The following ABCB4 variants were observed in gnomAD, a reference collection of about 807,000 sequenced individuals.
The protein encoded by ABCB4 is phosphatidylcholine translocator ABCB4.
A neutral mutation model predicts 145.7 loss-of-function variants in ABCB4; 76 were observed. The ratio of observed to expected loss-of-function variants is 0.52; its 90% CI spans 0.43 to 0.63. The LOEUF (loss-of-function observed/expected upper bound fraction) is 0.63, where lower values mean the gene tolerates loss of function less well. ABCB4 is among the 30% of genes least tolerant of loss of function. The pLI is 0.00. For missense variants in ABCB4, 1,234 were observed against 1,553.1 expected (o/e 0.79, Z 3.45); for synonymous variants, 517 against 566.8 (o/e 0.91, Z 1.25).
At chr7:87,462,968 TTATA>T in intron 3 of ABCB4, 60 bp from the exon 4 acceptor site, 1 of 1,459,660 alleles carries the variant, frequency 6.9e-7, no homozygotes. Flanking sequence ...TCTTCCATAA[TTATA>T]TATTCTTTGG....
chr7:87,403,248 G>C lies in ABCB4; in HGVS notation c.3520C>G (p.Gln1174Glu), dbSNP rs1807936303. Residue 1174 changes from glutamine to glutamate, a missense_variant, in exon 27 of 28, where the codon CAG becomes GAG. Around this residue, in one of 7 missense-constraint regions of ABCB4, gnomAD observed 301 missense variants for 389.0 expected, o/e 0.77. Transcript: ENST00000649586. Reference sequence around the variant, plus strand: ...CTCTGTTTTTGACCTCCTGAGAGCTGAGTCCCCTTATCTCCCACTCTTGTT... The same window carrying C: ...CTCTGTTTTTGACCTCCTGAGAGCTCAGTCCCCTTATCTCCCACTCTTGTT... Reference protein sequence around the residue: ...YETRVGDKGTQLSGGQKQRIA... With the variant: ...YETRVGDKGTELSGGQKQRIA... 1 of 1,613,738 alleles carries C rather than the reference G, an allele frequency of 6.2e-7. No individual in the cohort carries two copies. The highest frequency in any genetic ancestry group is 1.1e-5 in the South Asian group (1 of 91,086).
chr7:87,413,851 C>T (rs754100785), intron 21 of ABCB4, 134 bp from the exon 22 acceptor site: 41 of 699,304 alleles, frequency 5.9e-5, no homozygotes, highest in Non-Finnish European at 8.5e-5. Context: ...AATTAAAAAC[C>T]AAAGGCATAA....
the ABCB4 span, among the ~76,000 whole-genome samples, chr7:87,380,701 G>T: frequency 2.0e-5 from 3 of 152,170 alleles, no homozygotes; most frequent in Admixed American, 1.3e-4. Flanking sequence ...TTTCCATTAG[G>T]AGATGGGTGC....
chr7:87,408,296 T>C (rs143340462), intron 24 of ABCB4, 62 bp from the exon 25 acceptor site: 41 of 1,511,962 alleles, frequency 2.7e-5, no homozygotes, highest in Middle Eastern at 3.5e-4. Context: ...ATAAGAAATA[T>C]TATTTCAAGG....
intron 7 of ABCB4, among the ~76,000 whole-genome samples, chr7:87,451,389 G>A (rs1417152199): frequency 6.6e-6 from 1 of 152,074 alleles, no homozygotes; most frequent in East Asian, 1.9e-4. Context: ...ATGTACCTTG[G>A]CCTCCCAAAG....
At chr7:87,431,648 A>C in intron 14 of ABCB4, 83 bp from the exon 15 acceptor site, 1 of 1,536,392 alleles carries the variant, frequency 6.5e-7, no homozygotes, top group Non-Finnish European at 9.0e-7. Context: ...ACTTGGATGA[A>C]TGCTGTTTGT....
Position 87,475,440 on chromosome 7 carries a change from C to A in ABCB4, c.26G>T (p.Gly9Val), listed in dbSNP as rs2117008276. ...CGCGCTCGTGGGGCGCCAGGCTGTT[C>A]CGTTCTTTGCCGCCTCAAGATCCAT... MDLEAAKN[G>V]TAWRPTSAEG... The change falls in exon 2 of 28, where the codon GGA becomes GTA. Residue 9 changes from glycine (G) to valine (V), a missense_variant. Transcript: ENST00000649586. The A allele has an allele frequency of 6.2e-7, 1 of 1,614,184 alleles. No homozygotes were observed. The highest frequency in any genetic ancestry group is 8.5e-7 in the Non-Finnish European group (1 of 1,180,028).
intron 8 of ABCB4, among the ~76,000 whole-genome samples, chr7:87,449,636 C>T (rs1386558878): frequency 6.6e-6 from 1 of 151,870 alleles, no homozygotes; most frequent in African/African-American, 2.4e-5. Flanking sequence ...CAGGGTCTTA[C>T]TACATTGCCC....
chr7:87,374,125 T>C, the ABCB4 span, among the ~76,000 whole-genome samples: 2 of 152,032 alleles, frequency 1.3e-5, no homozygotes, highest in Non-Finnish European at 2.9e-5. Context: ...AATATATGAT[T>C]CTGTAATGCA....
intron 15 of ABCB4, among the ~76,000 whole-genome samples, chr7:87,428,495 AG>A (rs1809987866): frequency 1.3e-5 from 2 of 152,254 alleles, no homozygotes; most frequent in African/African-American, 4.8e-5. Flanking sequence ...GAAGACATGG[AG>A]GAAAAAACTG....
chr7:87,453,084 A>G lies in ABCB4; in HGVS notation c.396T>C (p.Tyr132=). ...CCAAAGTCCAAAATGAAACTTGTAT[A>G]TAGGCAGCAACAAGAACTCCAGCAC... ...GLGAGVLVAA[Y]IQVSFWTLAA... The change falls in exon 6 of 28, where the codon TAT becomes TAC. Residue 132 remains tyrosine (Y), a synonymous_variant. Coordinates refer to ENST00000649586, the MANE Select transcript of ABCB4 (RefSeq NM_000443.4). The G allele has an allele frequency of 1.2e-6, 2 of 1,614,162 alleles. No individual in the cohort carries two copies. The highest frequency in any genetic ancestry group is 1.7e-6 in the Non-Finnish European group (2 of 1,180,032).
chr7:87,387,749 C>T, the ABCB4 span, among the ~76,000 whole-genome samples: 2 of 152,034 alleles, frequency 1.3e-5, no homozygotes, highest in Non-Finnish European at 2.9e-5. Flanking sequence ...GTCAGGAGTT[C>T]GAGACTAGCC....
At chr7:87,389,895 C>T in the ABCB4 span, among the ~76,000 whole-genome samples, 67 of 152,034 alleles carry the variant, frequency 4.4e-4, no homozygotes, top group East Asian at 4.6e-3. Flanking sequence ...AAATTTCACG[C>T]GGTATTTTTT....
intron 5 of ABCB4, among the ~76,000 whole-genome samples, chr7:87,453,883 C>T (rs1212488160): frequency 6.6e-6 from 1 of 151,768 alleles, no homozygotes. Context: ...TTGATTTTTC[C>T]ACATTCTTTA....
At chr7:87,450,974 C>A (rs1048044215) in intron 7 of ABCB4, among the ~76,000 whole-genome samples, 1 of 151,980 alleles carries the variant, frequency 6.6e-6, no homozygotes, top group Non-Finnish European at 1.5e-5. Flanking sequence ...TATTGCCAGG[C>A]AAAACTGGCA....
At chr7:87,389,422 A>G in the ABCB4 span, among the ~76,000 whole-genome samples, 1 of 152,188 alleles carries the variant, frequency 6.6e-6, no homozygotes, top group African/African-American at 2.4e-5. Context: ...GCACATATAC[A>G]CCATGGAATA....
chr7:87,391,913 C>T, the ABCB4 span, among the ~76,000 whole-genome samples: 4 of 152,158 alleles, frequency 2.6e-5, no homozygotes, highest in African/African-American at 9.7e-5. Context: ...GGAAAAGGAT[C>T]CCATTTGTGT....
At chr7:87,439,151 G>A (rs182347635) in intron 14 of ABCB4, among the ~76,000 whole-genome samples, 6 of 152,194 alleles carry the variant, frequency 3.9e-5, no homozygotes, top group Non-Finnish European at 5.9e-5. Context: ...AGAAATATCT[G>A]AGCTGGACAG....
chr7:87,378,357 A>AAT, the ABCB4 span, among the ~76,000 whole-genome samples: 1 of 151,648 alleles, frequency 6.6e-6, no homozygotes, highest in South Asian at 2.1e-4. Context: ...AAAAAAAAAA[A>AAT]AAAAAGGGTT....
Sources: gnomAD v4.1 joint callset for allele counts (sites outside exome capture counted in the v4.1 genomes callset) on GRCh38, gnomAD v4.1.1 for gene constraint, gnomAD v4.1.1 regional missense constraint, MANE v1.5 for transcripts, NCBI Gene and HGNC (gene_info 2026-07-23, HGNC 2026-07-21) for gene names.